The following SHROOM2 variants were observed in gnomAD, a reference collection of about 807,000 sequenced individuals.
SHROOM2 encodes the protein shroom family member 2.
Under a neutral mutation model 75.9 loss-of-function variants are expected in SHROOM2, and 33 were observed. The ratio of observed to expected loss-of-function variants is 0.43; its 90% CI spans 0.33 to 0.58. The LOEUF (loss-of-function observed/expected upper bound fraction) is 0.58. SHROOM2 is among the 20% of genes least tolerant of loss of function. The probability of loss-of-function intolerance (pLI) is 0.04; values close to 1 mark genes in which losing one functional copy is unlikely to be tolerated. For missense variants in SHROOM2, 1,434 were observed against 1,461.2 expected (o/e 0.98, Z 0.30); for synonymous variants, 655 against 663.6 (o/e 0.99, Z 0.20).
chrX:9,901,317 T>A (rs1021405581), intron 5 of SHROOM2, among the ~76,000 whole-genome samples: 2 of 112,058 alleles, frequency 1.8e-5, no homozygotes, highest in Non-Finnish European at 3.8e-5. Flanking sequence ...AGTTATGGCT[T>A]CAGCACATTG....
At chrX:9,843,240 ATTG>A (rs1367376602) in intron 1 of SHROOM2, among the ~76,000 whole-genome samples, 2 of 105,682 alleles carry the variant, frequency 1.9e-5, no homozygotes, top group Non-Finnish European at 3.9e-5. Context: ...GCCATCCCCT[ATTG>A]TTAACATCTC....
chrX:9,801,330 G>A (rs935835348), intron 1 of SHROOM2, among the ~76,000 whole-genome samples: 22 of 111,455 alleles, frequency 2.0e-4, no homozygotes, highest in African/African-American at 6.5e-4. Context: ...ATTTGGGTGG[G>A]GACACAACCA....
chrX:9,846,103 G>A (rs1342719388), intron 1 of SHROOM2, among the ~76,000 whole-genome samples: 1 of 107,230 alleles, frequency 9.3e-6, no homozygotes, highest in Non-Finnish European at 1.9e-5. Context: ...TTGTTGCTGT[G>A]AACCTCAGTT....
At chrX:9,881,195 G>A (rs890453275) in intron 2 of SHROOM2, among the ~76,000 whole-genome samples, 3 of 111,953 alleles carry the variant, frequency 2.7e-5, no homozygotes, top group African/African-American at 9.7e-5. Flanking sequence ...GCACCACGGA[G>A]GGTAGTTGTA....
At chrX:9,919,291 A>G (rs1433808713) in intron 5 of SHROOM2, among the ~76,000 whole-genome samples, 3 of 102,161 alleles carry the variant, frequency 2.9e-5, no homozygotes, top group Non-Finnish European at 3.9e-5. Context: ...ATCTGTGTCA[A>G]TGGGTCCAGG....
At chrX:9,904,268 C>G (rs182428990) in intron 5 of SHROOM2, among the ~76,000 whole-genome samples, 34 of 111,739 alleles carry the variant, frequency 3.0e-4, no homozygotes, top group African/African-American at 1.0e-3. Flanking sequence ...GTCTCTAATC[C>G]CAGCACTTTG....
In SHROOM2 at chrX:9,906,960, C is replaced by T. The variant is rs140895042; in HGVS notation, c.2891+8670C>T. ...CCGTGATAGCGCAAAAGCAGCCACA[C>T]GGTGACCAGGTTGCCCTCCCTGCAG... is the stretch of plus-strand genomic sequence containing the variant. On this transcript the variant is annotated intron_variant, in intron 5 of 9. Transcript: ENST00000380913. Among the ~76,000 whole-genome samples, 724 of 111,563 alleles carry T rather than the reference C, an allele frequency of 6.5e-3. 1 individual carries two copies. The highest frequency in any genetic ancestry group is 0.02 in the African/African-American group (607 of 30,723).
At chrX:9,944,055 G>A (rs1472571350) in intron 8 of SHROOM2, among the ~76,000 whole-genome samples, 6 of 110,761 alleles carry the variant, frequency 5.4e-5, no homozygotes, top group Non-Finnish European at 1.1e-4. Context: ...GGTGGTGCAC[G>A]CCTGTAATCC....
At chrX:9,794,660 G>A (rs963167826) in intron 1 of SHROOM2, among the ~76,000 whole-genome samples, 10 of 111,880 alleles carry the variant, frequency 8.9e-5, no homozygotes, top group Non-Finnish European at 1.3e-4. Context: ...ATGAGCCACC[G>A]CGCCCAGCCA....
chrX:9,810,756 G>A (rs2083787419), intron 1 of SHROOM2, among the ~76,000 whole-genome samples: 1 of 110,555 alleles, frequency 9.0e-6, no homozygotes, highest in Non-Finnish European at 1.9e-5. Context: ...TATATTGGGC[G>A]CTGATTCAGA....
Position 9,894,935 on chromosome X carries a change from G to A in SHROOM2, c.1027G>A (p.Ala343Thr). 1 of 1,210,889 alleles carries A rather than the reference G, an allele frequency of 8.3e-7. No homozygotes were observed. The highest frequency in any genetic ancestry group is 1.1e-6 in the Non-Finnish European group (1 of 895,283). ...GGCCCAGGGCCCTGTGTTCTCAGAG[G>A]CGGCTGCGGCACAGCACTTTACGGC... Reference protein sequence around the residue: ...EKAQGPVFSEAAAAQHFTALA... With the variant: ...EKAQGPVFSETAAAQHFTALA... Residue 343 changes from alanine to threonine, a missense_variant, in exon 4 of 10, where the codon GCG becomes ACG. Ala to Thr is a moderately conservative substitution (Grantham distance 58). Coordinates refer to ENST00000380913, the MANE Select transcript of SHROOM2 (RefSeq NM_001649.4).
intron 1 of SHROOM2, among the ~76,000 whole-genome samples, chrX:9,867,642 T>G (rs1327298493): frequency 9.0e-6 from 1 of 111,234 alleles, no homozygotes; most frequent in African/African-American, 3.3e-5. Context: ...TCTACTGAAC[T>G]TGAGAAGTTC....
chrX:9,814,386 A>G (rs1048431630), intron 1 of SHROOM2, among the ~76,000 whole-genome samples: 2 of 111,584 alleles, frequency 1.8e-5, no homozygotes, highest in African/African-American at 6.5e-5. Context: ...CTTAATATCT[A>G]TTCCCATGCC....
At chrX:9,855,903 C>T (rs973433604) in intron 1 of SHROOM2, among the ~76,000 whole-genome samples, 11 of 111,566 alleles carry the variant, frequency 9.9e-5, no homozygotes, top group Middle Eastern at 4.6e-3. Flanking sequence ...GTTGCATACC[C>T]GCCAAAGCGC....
intron 1 of SHROOM2, among the ~76,000 whole-genome samples, chrX:9,800,569 G>A (rs909847195): frequency 9.1e-6 from 1 of 109,390 alleles, no homozygotes; most frequent in Non-Finnish European, 1.9e-5. Context: ...TTGAACTCCT[G>A]ACCTCAAGTG....
rs139191224 is a variant in SHROOM2 at position 9,839,204 on chromosome X, T to C, written c.166-34448T>C. 1.3e-3 allele frequency among the ~76,000 whole-genome samples: 146 copies of C among 111,609 alleles called. 1 individual carries two copies. The highest frequency in any genetic ancestry group is 0.013 in the East Asian group (46 of 3,550). On this transcript the variant is annotated intron_variant, in intron 1 of 9. Coordinates refer to ENST00000380913, the MANE Select transcript of SHROOM2 (RefSeq NM_001649.4). ...TTGGTGTGCTTGACCCCAACAGCTATTTTGTATGCATTATGTGGGCAAACC... is the reference window on the plus strand; with the variant it reads ...TTGGTGTGCTTGACCCCAACAGCTACTTTGTATGCATTATGTGGGCAAACC...
intron 2 of SHROOM2, among the ~76,000 whole-genome samples, chrX:9,879,897 AT>A (rs1460895531): frequency 4.5e-5 from 5 of 112,114 alleles, no homozygotes; most frequent in Non-Finnish European, 9.4e-5. Context: ...AATGACTTTT[AT>A]TTTTTTATCG....
intron 7 of SHROOM2, among the ~76,000 whole-genome samples, chrX:9,938,208 GT>G (rs888552133): frequency 7.2e-5 from 8 of 111,496 alleles, no homozygotes; most frequent in African/African-American, 2.6e-4. Flanking sequence ...TTTATGAAAT[GT>G]TTTTTTAAAA....
Position 9,895,508 on chromosome X carries a change from C to T in SHROOM2, c.1600C>T (p.Arg534Trp), listed in dbSNP as rs548293164. ...TCCTCCGGATGCCCGCGAGACAGGA[C>T]GGTGTTACCCGCTGGACAAAGGGGC... Reference protein sequence around the residue: ...EGPPDARETGRCYPLDKGAEG... With the variant: ...EGPPDARETGWCYPLDKGAEG... The change falls in exon 4 of 10, where the codon CGG becomes TGG. Residue 534 changes from arginine (R) to tryptophan (W), a missense_variant. Arg to Trp is a moderately radical substitution (Grantham distance 101). Coordinates refer to ENST00000380913, the MANE Select transcript of SHROOM2 (RefSeq NM_001649.4). 1.8e-4 allele frequency: 221 copies of T among 1,201,346 alleles called. 1 individual carries two copies. The highest frequency in any genetic ancestry group is 1.3e-3 in the South Asian group (72 of 55,451).
Sources: allele counts gnomAD v4.1 joint callset (sites outside exome capture counted in the v4.1 genomes callset), GRCh38; gene constraint gnomAD v4.1.1; transcripts MANE v1.5; gene names NCBI Gene and HGNC (gene_info 2026-07-23, HGNC 2026-07-21).